DAW1: variants seen among roughly 807,000 people sequenced by gnomAD.
DAW1 encodes dynein assembly factor with WD repeats 1.
DAW1 carries 47 observed loss-of-function variants against 56.5 expected under a neutral mutation model. The ratio of observed to expected loss-of-function variants is 0.83; its 90% confidence interval spans 0.66 to 1.06. The LOEUF is 1.06. Ranked by LOEUF, DAW1 falls within the 50% of genes least tolerant of loss-of-function variation. DAW1 has a pLI of 0.00. For missense variants in DAW1, 505 were observed against 499.3 expected (o/e 1.01, Z -0.11); for synonymous variants, 190 against 179.0 (o/e 1.06, Z -0.49).
chr2:227,894,805 T>A (rs1474091414), intron 5 of DAW1, among the ~76,000 whole-genome samples: 1 of 152,234 alleles, frequency 6.6e-6, no homozygotes, highest in African/African-American at 2.4e-5. Context: ...TCTATAGCAG[T>A]GAACATACCC....
At chr2:227,877,464 T>C (rs1223710499) in intron 1 of DAW1, among the ~76,000 whole-genome samples, 1 of 152,256 alleles carries the variant, frequency 6.6e-6, no homozygotes, top group Non-Finnish European at 1.5e-5. Context: ...CTTTGTTTTC[T>C]GCTTTTATTC....
chr2:227,921,492 G>T lies in DAW1; in HGVS notation c.1144G>T (p.Val382Phe), dbSNP rs766218357. The change falls in exon 12 of 13, where the codon GTT (valine) becomes TTT (phenylalanine). Residue 382 changes from valine to phenylalanine, a missense_variant. Physicochemically the swap from Val to Phe is conservative, Grantham distance 50 (BLOSUM62 -1). Coordinates refer to ENST00000309931, the MANE Select transcript of DAW1 (RefSeq NM_178821.3). The part of the protein sequence containing the change: ...WDAQTGQCLQ[V>F]LEGHTDEIFS... Reference sequence around the variant, plus strand: ...TGCTCAGACTGGCCAGTGCCTCCAGGTTCTTGAGGGGCACACTGATGAAAT... The same window carrying T: ...TGCTCAGACTGGCCAGTGCCTCCAGTTTCTTGAGGGGCACACTGATGAAAT... 1.9e-6 allele frequency: 3 copies of T among 1,613,860 alleles called. No individual in the cohort carries two copies. The Admixed American group carries it at 5.0e-5, about 27-fold the overall frequency.
chr2:227,922,780 G>C (rs752550873), intron 12 of DAW1, among the ~76,000 whole-genome samples: 5 of 152,194 alleles, frequency 3.3e-5, no homozygotes, highest in African/African-American at 4.8e-5. Context: ...TGATTTTCAA[G>C]TGTTAACTAA....
intron 1 of DAW1, among the ~76,000 whole-genome samples, chr2:227,883,950 A>T (rs1691066627): frequency 6.6e-6 from 1 of 152,210 alleles, no homozygotes; most frequent in Admixed American, 6.5e-5. Context: ...AATAATTTTT[A>T]AGAGTGTAAG....
intron 6 of DAW1, among the ~76,000 whole-genome samples, chr2:227,902,371 G>A (rs1360017043): frequency 1.3e-5 from 2 of 152,116 alleles, no homozygotes; most frequent in African/African-American, 4.8e-5. Flanking sequence ...TCAGTTGAAT[G>A]GGGAGGATGG....
chr2:227,901,735 A>T (rs1691551369), intron 6 of DAW1, among the ~76,000 whole-genome samples: 1 of 152,182 alleles, frequency 6.6e-6, no homozygotes, highest in South Asian at 2.1e-4. Context: ...TGAGCAGAAG[A>T]TGGACAAAAA....
intron 1 of DAW1, chr2:227,872,093 C>T (rs1323688221): frequency 8.0e-6 from 2 of 250,354 alleles, no homozygotes; most frequent in East Asian, 1.7e-4. Flanking sequence ...TTAACTATTA[C>T]TTAGTAACAT....
chr2:227,908,608 G>C (rs6713891), intron 10 of DAW1, among the ~76,000 whole-genome samples: 2 of 152,124 alleles, frequency 1.3e-5, no homozygotes, highest in African/African-American at 2.4e-5. Context: ...TATTTATGAT[G>C]CTACTCTATG....
intron 11 of DAW1, among the ~76,000 whole-genome samples, chr2:227,920,364 G>A (rs1256165680): frequency 6.6e-6 from 1 of 152,114 alleles, no homozygotes; most frequent in Non-Finnish European, 1.5e-5. Context: ...AAACAGATAC[G>A]GCCCTGCCCT....
intron 2 of DAW1, among the ~76,000 whole-genome samples, chr2:227,887,012 A>G (rs1425394111): frequency 6.6e-6 from 1 of 152,176 alleles, no homozygotes; most frequent in Non-Finnish European, 1.5e-5. Context: ...AGTCCACTTG[A>G]CACCGTAACT....
intron 10 of DAW1, among the ~76,000 whole-genome samples, chr2:227,912,806 G>A (rs137942960): frequency 1.1e-3 from 174 of 152,120 alleles, no homozygotes; most frequent in Non-Finnish European, 2.1e-3. Flanking sequence ...TGATAATTGT[G>A]GATTGTGCTC....
chr2:227,878,870 G>A (rs982026112), intron 1 of DAW1, among the ~76,000 whole-genome samples: 17 of 141,158 alleles, frequency 1.2e-4, no homozygotes, highest in African/African-American at 4.6e-4. Flanking sequence ...TCATTGCAAT[G>A]TCTGCCTCCT....
chr2:227,909,438 T>G (rs900456050), intron 10 of DAW1, among the ~76,000 whole-genome samples: 1 of 149,254 alleles, frequency 6.7e-6, no homozygotes, highest in African/African-American at 2.4e-5. Flanking sequence ...ATATAACCAA[T>G]AGTATATAAA....
intron 1 of DAW1, among the ~76,000 whole-genome samples, chr2:227,873,405 A>G (rs1353036311): frequency 6.6e-6 from 1 of 152,156 alleles, no homozygotes; most frequent in Admixed American, 6.5e-5. Flanking sequence ...TCTAGAAGAG[A>G]TTTGGTGACA....
chr2:227,890,608 G>A (rs1441288159), intron 3 of DAW1, among the ~76,000 whole-genome samples: 2 of 152,070 alleles, frequency 1.3e-5, no homozygotes, highest in African/African-American at 2.4e-5. Context: ...ATTAGTTATA[G>A]ACTCACCTGA....
At chr2:227,912,523 C>T in intron 10 of DAW1, 1 of 1,283,468 alleles carries the variant, frequency 7.8e-7, no homozygotes. Context: ...TAATGCTGCA[C>T]TGTCTAGTAT....
intron 7 of DAW1, 68 bp from the exon 8 acceptor site, chr2:227,904,861 T>G (rs1278439762): frequency 6.3e-5 from 89 of 1,422,562 alleles, no homozygotes; most frequent in Middle Eastern, 1.8e-4. Flanking sequence ...TTTTAGACTA[T>G]GATATTGTAC....
chr2:227,917,395 G>C (rs1369606746), intron 10 of DAW1, among the ~76,000 whole-genome samples: 1 of 151,800 alleles, frequency 6.6e-6, no homozygotes, highest in Non-Finnish European at 1.5e-5. Flanking sequence ...CGAGTAGCTG[G>C]GGCTACAGGT....
intron 10 of DAW1, among the ~76,000 whole-genome samples, chr2:227,913,953 A>G (rs562562610): frequency 3.0e-4 from 45 of 149,116 alleles, no homozygotes; most frequent in African/African-American, 1.1e-3. Context: ...ATCATCATCT[A>G]TCTAATCTAT....
Sources: allele counts gnomAD v4.1 joint callset (sites outside exome capture counted in the v4.1 genomes callset), GRCh38; gene constraint gnomAD v4.1.1; transcripts MANE v1.5; gene names NCBI Gene and HGNC (gene_info 2026-07-23, HGNC 2026-07-21).